The following UBXN11 variants were observed in gnomAD, a reference collection of about 807,000 sequenced individuals.
The protein encoded by UBXN11 is UBX domain protein 11.
In UBXN11, 47 loss-of-function variants were observed where a neutral mutation model predicts 62.8. That is an observed-to-expected ratio of 0.75 (90% CI 0.59 to 0.95). The LOEUF (loss-of-function observed/expected upper bound fraction) is 0.95. UBXN11 is among the 40% of genes least tolerant of loss of function. The probability of loss-of-function intolerance (pLI) is 0.00; values close to 1 mark genes in which losing one functional copy is unlikely to be tolerated. For synonymous variants in UBXN11, 294 were observed against 267.0 expected (o/e 1.10, Z -0.99); for missense variants, 638 against 661.7 (o/e 0.96, Z 0.39).
chr1:26,312,078 CT>C (rs1347321869), intron 1 of UBXN11, among the ~76,000 whole-genome samples: 1 of 152,100 alleles, frequency 6.6e-6, no homozygotes, highest in Non-Finnish European at 1.5e-5. Flanking sequence ...GTTCTGGCCT[CT>C]CCTTCCAATG....
chr1:26,298,830 T>C (rs2073459097), intron 4 of UBXN11, among the ~76,000 whole-genome samples: 1 of 144,032 alleles, frequency 6.9e-6, no homozygotes, highest in South Asian at 2.2e-4. Flanking sequence ...AAGAGAAACC[T>C]ACAGGAAGAA....
chr1:26,285,230 C>T (rs896363152), intron 10 of UBXN11: 7 of 1,312,932 alleles, frequency 5.3e-6, no homozygotes, highest in South Asian at 1.8e-5. Context: ...GCAGGGGCCC[C>T]GCAGCCGAGG....
exon 1 of UBXN11, chr1:26,318,047 C>T (rs549287473): frequency 1.9e-6 from 3 of 1,614,214 alleles, no homozygotes; most frequent in East Asian, 2.2e-5. Context: ...TCCTACTCAC[C>T]ATCAGCCTCC....
chr1:26,287,433 G>C (rs1231039745), intron 8 of UBXN11, among the ~76,000 whole-genome samples: 1 of 152,132 alleles, frequency 6.6e-6, no homozygotes, highest in Non-Finnish European at 1.5e-5. Flanking sequence ...GTACAGACCA[G>C]GGGCCTGTTC....
chr1:26,288,391 G>A (rs1252114216), intron 8 of UBXN11, among the ~76,000 whole-genome samples: 1 of 152,178 alleles, frequency 6.6e-6, no homozygotes, highest in Non-Finnish European at 1.5e-5. Context: ...AAAGCAGGTG[G>A]CCCAGGCAGA....
chr1:26,313,706 C>A (rs1450934676), intron 1 of UBXN11, among the ~76,000 whole-genome samples: 4 of 152,102 alleles, frequency 2.6e-5, no homozygotes, highest in African/African-American at 9.7e-5. Flanking sequence ...TAAACCTATC[C>A]ACTGAGTTCC....
chr1:26,312,776 G>A (rs887603320), intron 1 of UBXN11, among the ~76,000 whole-genome samples: 8 of 149,826 alleles, frequency 5.3e-5, no homozygotes, highest in Non-Finnish European at 1.0e-4. Flanking sequence ...TTAGGAGTTT[G>A]AGACCAGCCT....
intron 8 of UBXN11, among the ~76,000 whole-genome samples, chr1:26,288,886 G>A (rs574416701): frequency 6.6e-6 from 1 of 152,306 alleles, no homozygotes; most frequent in African/African-American, 2.4e-5. Flanking sequence ...GGGCCCAAGT[G>A]ACTCAGCCTC....
chr1:26,297,304 A>G (rs906942838), intron 6 of UBXN11, 123 bp downstream of exon 6: 21 of 1,213,912 alleles, frequency 1.7e-5, no homozygotes, highest in Non-Finnish European at 2.2e-5. Flanking sequence ...AGCTGTCCAG[A>G]CCCCACCAAG....
intron 1 of UBXN11, among the ~76,000 whole-genome samples, chr1:26,314,512 T>C (rs1436058414): frequency 6.6e-6 from 1 of 152,218 alleles, no homozygotes; most frequent in South Asian, 2.1e-4. Flanking sequence ...CCCTTATTTC[T>C]TTTCTGCATT....
At position 26,315,462 on chromosome 1, in the gene UBXN11, T is replaced by A. The variant is rs554534382; in HGVS notation, c.-149+2585A>T. Among the ~76,000 whole-genome samples the A allele has an allele frequency of 3.4e-3, 518 of 152,192 alleles. 3 individuals are homozygous for A. The highest frequency in any genetic ancestry group is 0.012 in the African/African-American group (497 of 41,516). On this transcript the variant is annotated intron_variant, in intron 1 of 14. Transcript: ENST00000374217. ...TCCCTGACTCTCATGAACCCCAGAA[T>A]CACTCACCCCCACAGGCACACCAAA...
chr1:26,286,176 T>C (rs1282914552), intron 8 of UBXN11, 139 bp from the exon 9 acceptor site: 3 of 683,938 alleles, frequency 4.4e-6, no homozygotes, highest in Non-Finnish European at 4.6e-6. Context: ...AGGACAACGC[T>C]AGATAATAAC....
intron 4 of UBXN11, among the ~76,000 whole-genome samples, chr1:26,299,283 G>A (rs1213520019): frequency 1.3e-5 from 2 of 151,256 alleles, no homozygotes; most frequent in African/African-American, 2.4e-5. Context: ...AGGCCGAGGC[G>A]GGCAGATCAC....
rs2073575245 is a variant in UBXN11, at chr1:26,302,924, G to A, written c.-35-6C>T. Reference sequence around the variant, plus strand: ...ATCCAGCTGTCAGGAACTCCCTAGAGGAATGCAGGAAGTCAGCCCCTGGGG... The same window carrying A: ...ATCCAGCTGTCAGGAACTCCCTAGAAGAATGCAGGAAGTCAGCCCCTGGGG... On this transcript the variant is annotated splice_polypyrimidine_tract_variant and splice_region_variant and intron_variant, in intron 1 of 14. Coordinates refer to ENST00000374222, the MANE Select transcript of UBXN11 (RefSeq NM_001389556.1). 6.3e-7 allele frequency: 1 copy of A among 1,597,580 alleles called. No homozygotes were observed. The highest frequency in any genetic ancestry group is 8.6e-7 in the Non-Finnish European group (1 of 1,166,990).
rs2073028096 is a variant in UBXN11, at chr1:26,282,700, A to G, written c.1241T>C (p.Met414Thr). ...ENGEQAFLLM[M>T]QPDNTIGDVR... is the part of the protein sequence containing the mutation. ...GTCCCCAATGGTGTTGTCAGGCTGC[A>G]TCATCAGTAGGAAGGCCTGTTCCCC... The change falls in exon 14 of 15, where the codon ATG becomes ACG. Residue 414 changes from methionine (M) to threonine (T), a missense_variant. Coordinates refer to ENST00000374222, the MANE Select transcript of UBXN11 (RefSeq NM_001389556.1). 6.2e-7 allele frequency: 1 copy of G among 1,614,062 alleles called. No individual in the cohort carries two copies. Among genetic ancestry groups the G allele is most frequent in the African/African-American group, 1.3e-5 (1 of 74,938 alleles).
At chr1:26,312,920 A>G (rs982876231) in intron 1 of UBXN11, among the ~76,000 whole-genome samples, 2 of 147,436 alleles carry the variant, frequency 1.4e-5, no homozygotes, top group African/African-American at 5.0e-5. Context: ...TGGAGGTTGC[A>G]GTGAACTGAG....
chr1:26,297,587 G>T, intron 5 of UBXN11, 106 bp from the exon 6 acceptor site: 1 of 1,310,518 alleles, frequency 7.6e-7, no homozygotes, highest in Non-Finnish European at 1.0e-6. Flanking sequence ...GGAGCAGCAA[G>T]CCCCTGCCAC....
chr1:26,317,778 C>T (rs1052390768), intron 1 of UBXN11, among the ~76,000 whole-genome samples: 1 of 152,084 alleles, frequency 6.6e-6, no homozygotes, highest in African/African-American at 2.4e-5. Flanking sequence ...CTATCTTGTA[C>T]GATCTAGCCT....
chr1:26,289,206 G>A (rs1006384001), intron 8 of UBXN11, among the ~76,000 whole-genome samples: 4 of 152,142 alleles, frequency 2.6e-5, no homozygotes, highest in African/African-American at 9.7e-5. Flanking sequence ...TTCCTCTTCT[G>A]TACAATGAGG....
Sources: allele counts gnomAD v4.1 joint callset (sites outside exome capture counted in the v4.1 genomes callset), GRCh38; gene constraint gnomAD v4.1.1; transcripts MANE v1.5; gene names NCBI Gene and HGNC (gene_info 2026-07-23, HGNC 2026-07-21).